The following TRPC5 variants were observed in gnomAD, a reference collection of about 807,000 sequenced individuals.
TRPC5 encodes short transient receptor potential channel 5.
A neutral mutation model predicts 56.5 loss-of-function variants in TRPC5; 9 were observed. The ratio of observed to expected loss-of-function variants is 0.16; its 90% CI spans 0.10 to 0.28. The LOEUF is 0.28. TRPC5 is among the 10% of genes least tolerant of loss of function. The pLI is 1.00. For synonymous variants in TRPC5, 282 were observed against 278.5 expected (o/e 1.01, Z -0.13); for missense variants, 469 against 748.9 (o/e 0.63, Z 4.36).
At chrX:112,006,511 G>T (rs1015568589) in intron 1 of TRPC5, among the ~76,000 whole-genome samples, 1 of 111,273 alleles carries the variant, frequency 9.0e-6, no homozygotes, top group Non-Finnish European at 1.9e-5. Flanking sequence ...AGAGGCTACG[G>T]AATTTGCCCA....
At chrX:111,940,704 A>T (rs972920784) in intron 2 of TRPC5, among the ~76,000 whole-genome samples, 3 of 109,910 alleles carry the variant, frequency 2.7e-5, no homozygotes, top group African/African-American at 9.9e-5. Context: ...AAAAAAAAAA[A>T]AAAAAGAATA....
chrX:112,006,471 T>C (rs111274180), intron 1 of TRPC5, among the ~76,000 whole-genome samples: 10,307 of 111,334 alleles, frequency 0.093, 765 homozygotes, highest in African/African-American at 0.25. Context: ...TTGGTATCTC[T>C]TTTTTACAGA....
chrX:111,802,131 C>G lies in TRPC5; in HGVS notation c.1897-19993G>C, dbSNP rs144342394. 3.7e-3 allele frequency among the ~76,000 whole-genome samples: 411 copies of G among 111,986 alleles called. 1 individual carries two copies. Among genetic ancestry groups the G allele is most frequent in the Middle Eastern group, 9.2e-3 (2 of 217 alleles). ...TCTCAGCACCGTTTGTTAGAAAAGA[C>G]TAGTCTTTCTCCATTGAATTGTCTT... On this transcript the variant is annotated intron_variant, in intron 7 of 10. Transcript: ENST00000262839.
chrX:111,954,245 A>G (rs747351367), intron 1 of TRPC5, among the ~76,000 whole-genome samples: 72 of 112,170 alleles, frequency 6.4e-4, no homozygotes, highest in South Asian at 7.5e-4. Context: ...GTGAGGACCA[A>G]CAACCCAATT....
intron 1 of TRPC5, among the ~76,000 whole-genome samples, chrX:111,979,688 A>G (rs1465808113): frequency 2.7e-5 from 3 of 111,855 alleles, no homozygotes; most frequent in Non-Finnish European, 5.7e-5. Flanking sequence ...ACCAAAAAGG[A>G]TATATAAATG....
At chrX:112,040,035 A>G (rs1402280473) in intron 1 of TRPC5, among the ~76,000 whole-genome samples, 1 of 112,032 alleles carries the variant, frequency 8.9e-6, no homozygotes, top group Admixed American at 9.5e-5. Context: ...CCAGATGGCC[A>G]TTAATTAAGG....
intron 3 of TRPC5, among the ~76,000 whole-genome samples, chrX:111,857,810 C>A (rs1040989360): frequency 1.8e-5 from 2 of 112,741 alleles, no homozygotes; most frequent in African/African-American, 3.2e-5. Flanking sequence ...CTGAACCAAA[C>A]AGACATTTGG....
chrX:112,071,777 G>C (rs1255412753), intron 1 of TRPC5, among the ~76,000 whole-genome samples: 1 of 112,094 alleles, frequency 8.9e-6, no homozygotes, highest in Non-Finnish European at 1.9e-5. Context: ...CACCAAAACA[G>C]ATGGTAGGCC....
intron 3 of TRPC5, chrX:111,903,935 A>G (rs1257127381): frequency 8.9e-6 from 1 of 112,279 alleles, no homozygotes; most frequent in Non-Finnish European, 1.9e-5. Flanking sequence ...AAACCATTTT[A>G]TTGTTTTCTT....
Position 111,852,441 on chromosome X carries a change from A to G in TRPC5, c.1238-4T>C, listed in dbSNP as rs757340085. 1.7e-6 allele frequency: 2 copies of G among 1,205,370 alleles called. No individual in the cohort carries two copies. The highest frequency in any genetic ancestry group is 2.2e-6 in the Non-Finnish European group (2 of 892,713). On this transcript the variant is annotated splice_region_variant and splice_polypyrimidine_tract_variant and intron_variant, in intron 4 of 10. Coordinates refer to ENST00000262839, the MANE Select transcript of TRPC5 (RefSeq NM_012471.3). ...TTAATCTCACCCCAAATGAAACCTG[A>G]AGAATGGAGGAAAACAGTTTATTTC...
At chrX:111,922,319 G>A (rs887447277) in intron 2 of TRPC5, among the ~76,000 whole-genome samples, 1 of 111,548 alleles carries the variant, frequency 9.0e-6, no homozygotes, top group Non-Finnish European at 1.9e-5. Context: ...TCTCCAACTG[G>A]CACTTCCTCA....
chrX:112,009,519 T>C (rs1603143559), intron 1 of TRPC5, among the ~76,000 whole-genome samples: 1 of 111,714 alleles, frequency 9.0e-6, no homozygotes, highest in East Asian at 2.8e-4. Context: ...ATGCTTTGGG[T>C]CTGGGTGTTA....
intron 7 of TRPC5, among the ~76,000 whole-genome samples, chrX:111,811,649 A>G (rs1407530510): frequency 9.0e-6 from 1 of 111,515 alleles, no homozygotes; most frequent in East Asian, 2.8e-4. Context: ...TCTACTTACT[A>G]GCTATGTGAT....
intron 2 of TRPC5, among the ~76,000 whole-genome samples, chrX:111,922,266 G>A (rs766248026): frequency 4.4e-4 from 49 of 111,672 alleles, no homozygotes; most frequent in African/African-American, 1.4e-3. Context: ...ATCAGGAGCC[G>A]CCTCATTCAT....
At chrX:111,796,775 T>A (rs946211300) in intron 7 of TRPC5, among the ~76,000 whole-genome samples, 2 of 111,368 alleles carry the variant, frequency 1.8e-5, no homozygotes, top group Non-Finnish European at 3.8e-5. Flanking sequence ...CCTTCTCCAA[T>A]GTTTCTGGGC....
intron 7 of TRPC5, among the ~76,000 whole-genome samples, chrX:111,826,553 C>T (rs1922243877): frequency 8.9e-6 from 1 of 112,435 alleles, no homozygotes; most frequent in Non-Finnish European, 1.9e-5. Flanking sequence ...CTGAGGGCAT[C>T]CCAAAGGGAA....
intron 1 of TRPC5, among the ~76,000 whole-genome samples, chrX:111,960,213 T>C (rs992776495): frequency 8.9e-6 from 1 of 112,037 alleles, no homozygotes; most frequent in Non-Finnish European, 1.9e-5. Flanking sequence ...AAAAGGACTA[T>C]AATACAGGGG....
At position 111,914,200 on chromosome X, in the gene TRPC5, G is replaced by GA. The variant is rs1331705748; in HGVS notation, c.379-1389dup. Reference sequence around the variant, plus strand: ...AATATTGATTTTTATTACACTTTAGGAAAAAAAAGTTCCAAATGTTCATTT... The same window carrying GA: ...AATATTGATTTTTATTACACTTTAGGAAAAAAAAAGTTCCAAATGTTCATTT... On this transcript the variant is annotated intron_variant, in intron 2 of 10. Coordinates refer to ENST00000262839, the MANE Select transcript of TRPC5 (RefSeq NM_012471.3). 2.7e-5 allele frequency among the ~76,000 whole-genome samples: 3 copies of GA among 110,822 alleles called. No homozygotes were observed. The East Asian group carries it at 8.5e-4, about 31-fold the overall frequency.
chrX:111,817,773 C>G, intron 7 of TRPC5, among the ~76,000 whole-genome samples: 1 of 111,412 alleles, frequency 9.0e-6, no homozygotes, highest in Non-Finnish European at 1.9e-5. Context: ...TAAAGCAGAT[C>G]CAGAATCGAA....
Sources: allele counts gnomAD v4.1 joint callset (sites outside exome capture counted in the v4.1 genomes callset), GRCh38; gene constraint gnomAD v4.1.1; transcripts MANE v1.5; gene names NCBI Gene and HGNC (gene_info 2026-07-23, HGNC 2026-07-21).